Variants in TG observed in about 807,000 individuals in gnomAD.
The protein encoded by TG is thyroglobulin.
TG carries 270 observed loss-of-function variants against 324.7 expected under a neutral mutation model. The ratio of observed to expected loss-of-function variants is 0.83; its 90% CI spans 0.75 to 0.92. TG has a LOEUF of 0.92. Ranked by LOEUF, TG falls within the 40% of genes least tolerant of loss-of-function variation. The pLI is 0.00. For missense variants in TG, 3,591 were observed against 3,456.4 expected (o/e 1.04, Z -0.98); for synonymous variants, 1,401 against 1,327.0 (o/e 1.06, Z -1.21).
In TG at chr8:132,981,946, C is replaced by T. The variant is rs1009345367; in HGVS notation, c.6200-1404C>T. Among the ~76,000 whole-genome samples the T allele has an allele frequency of 5.9e-5, 9 of 152,236 alleles. No homozygotes were observed. In the East Asian group the frequency reaches 1.2e-3, roughly 20 times the overall value. On this transcript the variant is annotated intron_variant, in intron 34 of 47. Transcript: ENST00000220616. ...GGCAGAGAAGGAGGTGGATGTGAGG[C>T]GACCCACGCAAGGACTTTGGGACCA...
chr8:133,128,231 T>C (rs1361701241), intron 45 of TG, among the ~76,000 whole-genome samples: 1 of 152,002 alleles, frequency 6.6e-6, no homozygotes, highest in African/African-American at 2.4e-5. Flanking sequence ...CAGCAGGCAT[T>C]CGGCAACTGT....
chr8:132,904,698 G>A (rs548613188), intron 16 of TG, among the ~76,000 whole-genome samples: 7 of 152,096 alleles, frequency 4.6e-5, no homozygotes, highest in Non-Finnish European at 1.0e-4. Context: ...CTTTCTAGCC[G>A]AATCAGATCA....
chr8:133,067,230 G>A lies in TG; in HGVS notation c.7240-27814G>A, dbSNP rs981675221. ...GGGGGCTGCCGAGGCCACTTACCCC[G>A]TGACCCACATAGTCCCCTGCTCTCC... On this transcript the variant is annotated intron_variant, in intron 41 of 47. Coordinates refer to ENST00000220616, the MANE Select transcript of TG (RefSeq NM_003235.5). Among the ~76,000 whole-genome samples, 17 of 152,218 alleles carry A rather than the reference G, an allele frequency of 1.1e-4. No homozygotes were observed. The East Asian group carries it at 1.6e-3, about 14-fold the overall frequency.
At chr8:132,935,892 G>T (rs1157176892) in intron 25 of TG, 28 bp downstream of exon 25, 1 of 1,573,414 alleles carries the variant, frequency 6.4e-7, no homozygotes, top group Non-Finnish European at 8.7e-7. Context: ...GTTGGCTTAG[G>T]CCCGCGGTGG....
At chr8:133,113,738 C>G (rs928278582) in intron 44 of TG, 135 bp downstream of exon 44, 19 of 1,042,458 alleles carry the variant, frequency 1.8e-5, no homozygotes, top group Non-Finnish European at 2.7e-5. Flanking sequence ...ATTCATTCAG[C>G]CTACAGCATG....
chr8:132,973,540 G>A (rs1427421223), intron 34 of TG, among the ~76,000 whole-genome samples: 1 of 152,156 alleles, frequency 6.6e-6, no homozygotes, highest in Non-Finnish European at 1.5e-5. Flanking sequence ...TTCCAACTCT[G>A]CCATCTACTT....
chr8:133,102,847 C>T (rs942544680), intron 43 of TG: 10 of 370,174 alleles, frequency 2.7e-5, no homozygotes, highest in Admixed American at 3.9e-5. Context: ...CCGCTGTGCC[C>T]CTAAGCTTGG....
chr8:133,060,017 T>C lies in TG; in HGVS notation c.7239+29994T>C, dbSNP rs551953806. The C allele has an allele frequency of 1.2e-4, 168 of 1,412,580 alleles. No individual in the cohort carries two copies. In the Middle Eastern group the frequency reaches 1.3e-3, roughly 11 times the overall value. The allele number at this position is 1,412,580 out of a possible 1,614,324, so 87.5% of individuals were successfully genotyped here. ...GTACCCATTGCCCCATTTAAGTAGTTACCGGCATCCACCACCGCCCAGTCT... is the reference window on the plus strand; with the variant it reads ...GTACCCATTGCCCCATTTAAGTAGTCACCGGCATCCACCACCGCCCAGTCT... On this transcript the variant is annotated intron_variant, in intron 41 of 47. Coordinates refer to ENST00000220616, the MANE Select transcript of TG (RefSeq NM_003235.5).
In TG at chr8:132,888,030, G is replaced by C. The variant is rs779145179; in HGVS notation, c.2223G>C (p.Thr741=). The stretch of plus-strand genomic sequence containing the variant: ...AGTCTGAGCAAGCTTTCCTCAGGAC[G>C]GTGCAGGCCCTGCTCTCTAACTCCA... ...QLQSEQAFLR[T]VQALLSNSSM... Residue 741 remains threonine, a synonymous_variant, in exon 10 of 48, where the codon ACG becomes ACC. Coordinates refer to ENST00000220616, the MANE Select transcript of TG (RefSeq NM_003235.5). The C allele has an allele frequency of 2.5e-6, 4 of 1,614,094 alleles. No homozygotes were observed. Among genetic ancestry groups the C allele is most frequent in the African/African-American group, 1.3e-5 (1 of 75,000 alleles).
chr8:133,000,405 C>T (rs76757625), intron 35 of TG, among the ~76,000 whole-genome samples: 55 of 152,334 alleles, frequency 3.6e-4, no homozygotes, highest in Non-Finnish European at 6.5e-4. Context: ...CTCTGCTTTA[C>T]GGTTCAGGTG....
chr8:132,967,018 C>G (rs904170320), intron 30 of TG, among the ~76,000 whole-genome samples: 6 of 148,444 alleles, frequency 4.0e-5, no homozygotes, highest in African/African-American at 1.5e-4. Flanking sequence ...CCATCCCATC[C>G]ATCCTTCCAT....
rs764748064 is a variant in TG, at chr8:132,923,422, G to C, written c.4613G>C (p.Ser1538Thr). ...CGAGCCAGCCAGAAGGACAGGGGCA[G>C]TGGGAAGGCCTTCTGTGTGGACGGC... ...QYRASQKDRG[S>T]GKAFCVDGEG... Residue 1538 changes from serine (S) to threonine (T), a missense_variant, in exon 22 of 48, where the codon AGT becomes ACT. Coordinates refer to ENST00000220616, the MANE Select transcript of TG (RefSeq NM_003235.5). 6 of 1,614,188 alleles carry C rather than the reference G, an allele frequency of 3.7e-6. No homozygotes were observed. The South Asian group carries it at 4.4e-5, about 12-fold the overall frequency.
intron 41 of TG, among the ~76,000 whole-genome samples, chr8:133,054,465 G>A (rs1307602949): frequency 2.6e-5 from 4 of 152,136 alleles, no homozygotes; most frequent in South Asian, 2.1e-4. Flanking sequence ...TGATTTCTTC[G>A]TGAATAAAAA....
At chr8:132,940,554 T>C (rs1824299654) in intron 25 of TG, among the ~76,000 whole-genome samples, 1 of 152,206 alleles carries the variant, frequency 6.6e-6, no homozygotes, top group African/African-American at 2.4e-5. Context: ...GAATTCATAA[T>C]AAAGAAATGC....
chr8:133,031,957 A>G (rs1487459205), intron 41 of TG, among the ~76,000 whole-genome samples: 1 of 152,044 alleles, frequency 6.6e-6, no homozygotes, highest in African/African-American at 2.4e-5. Context: ...TGCAGCATTC[A>G]CCAGGATTTC....
chr8:132,876,201 G>C (rs1813763812), intron 5 of TG, among the ~76,000 whole-genome samples: 1 of 152,128 alleles, frequency 6.6e-6, no homozygotes, highest in Admixed American at 6.5e-5. Flanking sequence ...CCAGGCAAGA[G>C]ACGACGTTGA....
chr8:133,070,009 A>G lies in TG; in HGVS notation c.7240-25035A>G, dbSNP rs1334382389. On this transcript the variant is annotated intron_variant, in intron 41 of 47. Coordinates refer to ENST00000220616, the MANE Select transcript of TG (RefSeq NM_003235.5). ...GAGCAAGGCTCCAGCTCCAAAAAAAAAAAAAAAAAAAAAAAAAGAAAGAAA... is the reference window on the plus strand; with the variant it reads ...GAGCAAGGCTCCAGCTCCAAAAAAAGAAAAAAAAAAAAAAAAAGAAAGAAA... 2.4e-5 allele frequency among the ~76,000 whole-genome samples: 3 copies of G among 125,618 alleles called. No homozygotes were observed. The Admixed American group carries it at 2.6e-4, about 11-fold the overall frequency. The allele number at this position is 125,618 out of a possible 152,430, so 82.4% of individuals were successfully genotyped here.
chr8:133,001,512 T>G (rs766334366), intron 35 of TG, among the ~76,000 whole-genome samples: 2 of 152,218 alleles, frequency 1.3e-5, no homozygotes, highest in Non-Finnish European at 2.9e-5. Context: ...CAAGGATGTC[T>G]TTATTTGGTC....
Position 132,882,459 on chromosome 8 carries a change from CTT to C in TG, c.746-8_746-7del, listed in dbSNP as rs756721388. 2.0e-5 allele frequency: 32 copies of C among 1,614,188 alleles called. No homozygotes were observed. The South Asian group carries it at 3.4e-4, about 17-fold the overall frequency. ...AGACCATCTCTGAAAGTCTTGCTGT[CTT>C]TGCTCAGGTTTGGAGTTGTTACTGG... On this transcript the variant is annotated splice_polypyrimidine_tract_variant and splice_region_variant and intron_variant, in intron 6 of 47. Transcript: ENST00000220616.
Sources: allele counts gnomAD v4.1 joint callset (sites outside exome capture counted in the v4.1 genomes callset), GRCh38; gene constraint gnomAD v4.1.1; transcripts MANE v1.5; gene names NCBI Gene and HGNC (gene_info 2026-07-23, HGNC 2026-07-21).